Variants in PNPLA6 observed in about 807,000 individuals in gnomAD.
The protein encoded by PNPLA6 is patatin like domain 6, lysophospholipase.
A neutral mutation model predicts 153.7 loss-of-function variants in PNPLA6; 105 were observed. The observed-to-expected ratio is 0.68, with a 90% CI of 0.58 to 0.80. The LOEUF is 0.80. PNPLA6 is among the 30% of genes least tolerant of loss of function. PNPLA6 has a pLI of 0.00. For missense variants in PNPLA6, 1,423 were observed against 1,919.3 expected, an observed-to-expected ratio of 0.74 and a Z score of 4.83; for synonymous variants, 825 against 822.2, an observed-to-expected ratio of 1.00 and a Z score of -0.06.
chr19:7,547,420 G>T (rs1336120216), intron 13 of PNPLA6, among the ~76,000 whole-genome samples: 1 of 152,150 alleles, frequency 6.6e-6, no homozygotes, highest in Non-Finnish European at 1.5e-5. Flanking sequence ...ATGACTTGAC[G>T]TTGAACAGCT....
chr19:7,543,858 T>C (rs1480825715), intron 13 of PNPLA6, among the ~76,000 whole-genome samples: 1 of 151,534 alleles, frequency 6.6e-6, no homozygotes, highest in Non-Finnish European at 1.5e-5. Context: ...TCACCCAGGC[T>C]GGAGTGCTGC....
In PNPLA6 at chr19:7,541,551, C is replaced by T; in HGVS notation, c.1035C>T (p.Ser345=). 6.2e-7 allele frequency: 1 copy of T among 1,603,040 alleles called. No individual in the cohort carries two copies. The highest frequency in any genetic ancestry group is 8.5e-7 in the Non-Finnish European group (1 of 1,175,032). ...HEIQPLRLFP[S]PGLPTRTSPV... is the part of the protein sequence containing the mutation. ...TCCAGCCCCTGCGTCTGTTCCCCAG[C>T]CCCGGCCTCCCAACTCGCACCAGCC... Residue 345 remains serine, a synonymous_variant, in exon 9 of 32, where the codon AGC becomes AGT. Transcript: ENST00000600737. The surrounding 1 kb of genome is among the most constrained non-coding windows in gnomAD (Gnocchi z 5.2).
intron 3 of PNPLA6, 65 bp from the exon 4 acceptor site, chr19:7,539,853 G>C (rs1286993407): frequency 2.7e-6 from 3 of 1,119,754 alleles, no homozygotes; most frequent in South Asian, 2.7e-5. Flanking sequence ...GTATGCGGGG[G>C]TCTTAGGTTT....
rs1568410478 is a variant in PNPLA6 at position 7,542,991 on chromosome 19, C to A, written c.1531-16C>A. ...GAGGCCTGGCTGCGCCCATCTCAACCCCCCTACCTCCCCAGGACCCCTCCC... is the reference window on the plus strand; with the variant it reads ...GAGGCCTGGCTGCGCCCATCTCAACACCCCTACCTCCCCAGGACCCCTCCC... On this transcript the variant is annotated splice_polypyrimidine_tract_variant and intron_variant, in intron 12 of 31. Transcript: ENST00000600737. 1.9e-6 allele frequency: 3 copies of A among 1,613,896 alleles called. No individual in the cohort carries two copies. The highest frequency in any genetic ancestry group is 3.3e-5 in the Admixed American group (2 of 60,024).
At position 7,555,307 on chromosome 19, in the gene PNPLA6, G is replaced by T; in HGVS notation, c.2876G>T (p.Arg959Leu). The T allele has an allele frequency of 6.3e-7, 1 of 1,585,062 alleles. No individual in the cohort carries two copies. The highest frequency in any genetic ancestry group is 1.1e-5 in the South Asian group (1 of 87,044). ...GCGGACCGGCACAGCGACTTCTCCC[G>T]CTTGGCGAGGGTGCTCACGGGGAAC... ...RRADRHSDFS[R>L]LARVLTGNTI... is the part of the protein sequence containing the mutation. Residue 959 changes from arginine to leucine, a missense_variant, in exon 23 of 32, where the codon CGC becomes CTC. Physicochemically the swap from Arg to Leu is moderately radical, Grantham distance 102. This residue lies in a region of PNPLA6 where 643 missense variants were observed against 835.2 expected (regional missense o/e 0.77). Transcript: ENST00000600737. The surrounding 1 kb of genome is among the most constrained non-coding windows in gnomAD (Gnocchi z 6.3).
intron 17 of PNPLA6, 52 bp downstream of exon 17, chr19:7,551,159 G>T (rs1196308845): frequency 4.2e-6 from 5 of 1,185,776 alleles, no homozygotes; most frequent in Non-Finnish European, 6.1e-6. Flanking sequence ...CTCCGGGGGG[G>T]TGGGGGCCGG....
chr19:7,543,231 A>T, intron 13 of PNPLA6, 147 bp downstream of exon 13: 1 of 783,240 alleles, frequency 1.3e-6, no homozygotes, highest in Non-Finnish European at 2.2e-6. Context: ...CCAACCTCTA[A>T]CCCTTGGGTC....
intron 18 of PNPLA6, among the ~76,000 whole-genome samples, chr19:7,552,592 TA>T (rs1156811235): frequency 6.6e-6 from 1 of 151,612 alleles, no homozygotes; most frequent in Non-Finnish European, 1.5e-5. Flanking sequence ...TCATCTCTAC[TA>T]AAAGTACAAA....
Position 7,540,315 on chromosome 19 carries a change from G to C in PNPLA6, c.714+7G>C, listed in dbSNP as rs371188270. On this transcript the variant is annotated splice_region_variant and intron_variant, in intron 5 of 31. Coordinates refer to ENST00000600737, the MANE Select transcript of PNPLA6 (RefSeq NM_001166114.2). This position sits in a 1 kb window ranked among gnomAD's most constrained non-coding sequence, Gnocchi z 6.8. Reference sequence around the variant, plus strand: ...GCTCTGTCTGCCAGGGCCTGTGAGTGGGCCTCCCCAGGGGCTGCTGCAGGA... The same window carrying C: ...GCTCTGTCTGCCAGGGCCTGTGAGTCGGCCTCCCCAGGGGCTGCTGCAGGA... The C allele has an allele frequency of 6.2e-7, 1 of 1,602,006 alleles. No homozygotes were observed. Among genetic ancestry groups the C allele is most frequent in the East Asian group, 2.2e-5 (1 of 44,768 alleles).
chr19:7,549,917 T>C lies in PNPLA6; in HGVS notation c.1619T>C (p.Leu540Pro). The change falls in exon 14 of 32, where the codon CTG becomes CCG. Residue 540 changes from leucine to proline, a missense_variant. Around this residue, in one of 10 missense-constraint regions of PNPLA6, gnomAD observed 119 missense variants for 163.7 expected, o/e 0.73. Transcript: ENST00000600737. Reference protein sequence around the residue: ...IARQGDQDVSLHFVLWGCLHV... With the variant: ...IARQGDQDVSPHFVLWGCLHV... Reference sequence around the variant, plus strand: ...CCCCTGCCCGCACAGGACGTGAGCCTGCACTTCGTGCTCTGGGGCTGCCTG... The same window carrying C: ...CCCCTGCCCGCACAGGACGTGAGCCCGCACTTCGTGCTCTGGGGCTGCCTG... 1.2e-6 allele frequency: 2 copies of C among 1,613,586 alleles called. No homozygotes were observed. The highest frequency in any genetic ancestry group is 1.1e-5 in the South Asian group (1 of 91,092).
rs931209819 is a variant in PNPLA6 at position 7,535,726 on chromosome 19, G to A, written c.-63G>A. 17 of 1,519,098 alleles carry A rather than the reference G, an allele frequency of 1.1e-5. No individual in the cohort carries two copies. The highest frequency in any genetic ancestry group is 1.7e-4 in the Middle Eastern group (1 of 5,930). The allele number at this position is 1,519,098 out of a possible 1,614,324, so 94.1% of individuals were successfully genotyped here. On this transcript the variant is annotated 5_prime_UTR_variant, in exon 1 of 32. Coordinates refer to ENST00000600737, the MANE Select transcript of PNPLA6 (RefSeq NM_001166114.2). This position sits in a 1 kb window ranked among gnomAD's most constrained non-coding sequence, Gnocchi z 5.0. ...CTACGTTTCCCGGCATGCACTGCGG[G>A]CCGCCGGGCCTCAGGGAAGAGTCGC... is the stretch of plus-strand genomic sequence containing the variant.
At chr19:7,537,470 C>T (rs995920034) in intron 3 of PNPLA6, among the ~76,000 whole-genome samples, 1 of 152,170 alleles carries the variant, frequency 6.6e-6, no homozygotes, top group Non-Finnish European at 1.5e-5. Flanking sequence ...TCCCTGTTGG[C>T]AGCAAGGTCT....
intron 13 of PNPLA6, 72 bp downstream of exon 13, chr19:7,543,156 C>T: frequency 7.6e-7 from 1 of 1,309,608 alleles, no homozygotes; most frequent in East Asian, 2.3e-5. Flanking sequence ...CCTCTGATCC[C>T]TGCCCTTTGA....
intron 14 of PNPLA6, 60 bp from the exon 15 acceptor site, chr19:7,550,238 C>T: frequency 1.2e-6 from 2 of 1,612,378 alleles, no homozygotes; most frequent in Non-Finnish European, 1.7e-6. Flanking sequence ...TCTGGCCTCC[C>T]AGCGCCGGTG....
chr19:7,544,976 G>A (rs555604260), intron 13 of PNPLA6, among the ~76,000 whole-genome samples: 11 of 151,998 alleles, frequency 7.2e-5, no homozygotes, highest in African/African-American at 1.2e-4. Context: ...GCTTCTCTGC[G>A]TTGGCAGGAC....
chr19:7,550,762 C>A, intron 16 of PNPLA6, 122 bp downstream of exon 16: 3 of 1,279,676 alleles, frequency 2.3e-6, no homozygotes, highest in East Asian at 2.5e-5. Flanking sequence ...CTGAGGTCAC[C>A]CAGTCCACTC....
chr19:7,552,363 AG>A (rs1278425164), intron 18 of PNPLA6, among the ~76,000 whole-genome samples: 7 of 152,180 alleles, frequency 4.6e-5, no homozygotes, highest in South Asian at 2.1e-4. Context: ...CCAGCAACCT[AG>A]ATACCCCTTT....
chr19:7,544,243 C>G (rs1233705495), intron 13 of PNPLA6, among the ~76,000 whole-genome samples: 1 of 152,172 alleles, frequency 6.6e-6, no homozygotes, highest in African/African-American at 2.4e-5. Context: ...TCCCGAGTAG[C>G]TGGGATTACA....
In PNPLA6 at chr19:7,561,567, C is replaced by T; in HGVS notation, c.*5C>T. The T allele has an allele frequency of 6.3e-7, 1 of 1,589,504 alleles. No homozygotes were observed. Among genetic ancestry groups the T allele is most frequent in the Admixed American group, 1.7e-5 (1 of 57,530 alleles). Reference sequence around the variant, plus strand: ...GGCTCAGCCACAGATGCCTGAGGACCTCGACAGGGGTCACCCCCTCCCTCC... The same window carrying T: ...GGCTCAGCCACAGATGCCTGAGGACTTCGACAGGGGTCACCCCCTCCCTCC... On this transcript the variant is annotated 3_prime_UTR_variant, in exon 32 of 32. Coordinates refer to ENST00000600737, the MANE Select transcript of PNPLA6 (RefSeq NM_001166114.2).
Sources: allele counts gnomAD v4.1 joint callset (sites outside exome capture counted in the v4.1 genomes callset), GRCh38; gene constraint gnomAD v4.1.1; regional missense constraint gnomAD v4.1.1; non-coding constraint Gnocchi (gnomAD v3.1); transcripts MANE v1.5; gene names NCBI Gene and HGNC (gene_info 2026-07-23, HGNC 2026-07-21).